The following SLC35F1 variants were observed in gnomAD, a reference collection of about 807,000 sequenced individuals.
SLC35F1 encodes solute carrier family 35 member F1.
Under a neutral mutation model 48.7 loss-of-function variants are expected in SLC35F1, and 14 were observed. The observed-to-expected ratio is 0.29, with a 90% CI of 0.19 to 0.45. The LOEUF is 0.45. Among genes scored for constraint, SLC35F1 ranks in the 20% least tolerant of loss-of-function variants. The pLI, the probability that SLC35F1 is intolerant of heterozygous loss-of-function variation, is 1.00. For synonymous variants in SLC35F1, 190 were observed against 202.2 expected, an observed-to-expected ratio of 0.94 and a Z score of 0.51; for missense variants, 404 against 500.0, an observed-to-expected ratio of 0.81 and a Z score of 1.83.
chr6:118,281,916 CATAA>C (rs1159685942), intron 6 of SLC35F1, among the ~76,000 whole-genome samples: 1 of 152,164 alleles, frequency 6.6e-6, no homozygotes, highest in Non-Finnish European at 1.5e-5. Context: ...AATTACTGTA[CATAA>C]AGTACATGAC....
chr6:118,016,294 C>T (rs1276236031), intron 1 of SLC35F1, among the ~76,000 whole-genome samples: 1 of 152,210 alleles, frequency 6.6e-6, no homozygotes, highest in Non-Finnish European at 1.5e-5. Flanking sequence ...GGTATCACCA[C>T]TCATGCTTCT....
At position 118,127,683 on chromosome 6, in the gene SLC35F1, G is replaced by A. The variant is rs1370124952; in HGVS notation, c.174-26762G>A. 5.3e-5 allele frequency among the ~76,000 whole-genome samples: 8 copies of A among 151,670 alleles called. No homozygotes were observed. In the South Asian group the frequency reaches 6.3e-4, roughly 12 times the overall value. ...TTCAAGATGGATTAAAGACTTAAAC[G>A]TTAGACCTAAAACCATAAAAACCCT... On this transcript the variant is annotated intron_variant, in intron 1 of 7. Coordinates refer to ENST00000360388, the MANE Select transcript of SLC35F1 (RefSeq NM_001029858.4).
chr6:117,907,901 T>G lies in SLC35F1; in HGVS notation c.173+2T>G. On this transcript the variant is annotated splice_donor_variant, in intron 1 of 7. Coordinates refer to ENST00000360388, the MANE Select transcript of SLC35F1 (RefSeq NM_001029858.4). LOFTEE classifies it high-confidence loss of function. ...GAGGATCCGCAAAGTGCTGAACAGG[T>G]GAGCGGCGGCGCCGGGCGAGGGCGC... 7.4e-7 allele frequency: 1 copy of G among 1,346,528 alleles called. No homozygotes were observed. The highest frequency in any genetic ancestry group is 9.5e-7 in the Non-Finnish European group (1 of 1,055,442). The allele number at this position is 1,346,528 out of a possible 1,614,324, so 83.4% of individuals were successfully genotyped here. A position where few individuals can be genotyped will look rare whatever the true frequency, so the allele number is the denominator to read the frequency against.
intron 2 of SLC35F1, among the ~76,000 whole-genome samples, chr6:118,175,837 T>G (rs540988795): frequency 6.6e-6 from 1 of 152,118 alleles, no homozygotes; most frequent in Non-Finnish European, 1.5e-5. Flanking sequence ...TGAGAAAGTA[T>G]CCGTAGTCAT....
At chr6:117,969,322 G>A (rs980435244) in intron 1 of SLC35F1, among the ~76,000 whole-genome samples, 2 of 152,122 alleles carry the variant, frequency 1.3e-5, no homozygotes, top group African/African-American at 4.8e-5. Context: ...TTGATAGGAA[G>A]GTATATAGAG....
At chr6:118,001,554 T>G (rs1474513662) in intron 1 of SLC35F1, among the ~76,000 whole-genome samples, 15 of 152,162 alleles carry the variant, frequency 9.9e-5, no homozygotes, top group Non-Finnish European at 1.9e-4. Context: ...GGACTTCATG[T>G]CTAAAACACC....
At chr6:118,025,287 G>C (rs1777447689) in intron 1 of SLC35F1, among the ~76,000 whole-genome samples, 1 of 152,150 alleles carries the variant, frequency 6.6e-6, no homozygotes, top group Non-Finnish European at 1.5e-5. Flanking sequence ...TTTTGTAGAA[G>C]GTCTCTTGAT....
At chr6:118,197,387 C>A (rs985554591) in intron 2 of SLC35F1, among the ~76,000 whole-genome samples, 2 of 152,152 alleles carry the variant, frequency 1.3e-5, no homozygotes, top group Admixed American at 6.5e-5. Context: ...ACTCAGTGAG[C>A]CTTTATGCTA....
chr6:117,942,250 C>A (rs1478333897), intron 1 of SLC35F1, among the ~76,000 whole-genome samples: 1 of 152,040 alleles, frequency 6.6e-6, no homozygotes, highest in African/African-American at 2.4e-5. Flanking sequence ...GGATTCTGAC[C>A]TAATTCTATT....
intron 2 of SLC35F1, among the ~76,000 whole-genome samples, chr6:118,158,811 T>C (rs563070780): frequency 6.6e-6 from 1 of 152,192 alleles, no homozygotes; most frequent in Admixed American, 6.5e-5. Context: ...TTACAAAAAT[T>C]TGGGTACTAT....
At chr6:117,942,579 CAATA>C (rs1776245793) in intron 1 of SLC35F1, among the ~76,000 whole-genome samples, 1 of 152,100 alleles carries the variant, frequency 6.6e-6, no homozygotes, top group Non-Finnish European at 1.5e-5. Context: ...GCTTTTAAAA[CAATA>C]ATTTAACATA....
intron 1 of SLC35F1, among the ~76,000 whole-genome samples, chr6:118,039,518 G>A (rs1408345124): frequency 2.6e-5 from 4 of 151,692 alleles, no homozygotes; most frequent in Non-Finnish European, 5.9e-5. Flanking sequence ...GGTCTCTGAG[G>A]TTTGTTCATT....
intron 1 of SLC35F1, among the ~76,000 whole-genome samples, chr6:118,102,902 C>A (rs767025133): frequency 1.6e-4 from 25 of 152,284 alleles, no homozygotes; most frequent in Admixed American, 2.6e-4. Flanking sequence ...GAACTGGGAC[C>A]TTTGCATCTG....
At chr6:118,303,793 A>G (rs1776281483) in intron 7 of SLC35F1, among the ~76,000 whole-genome samples, 1 of 152,198 alleles carries the variant, frequency 6.6e-6, no homozygotes, top group African/African-American at 2.4e-5. Flanking sequence ...GCTTAAAAGG[A>G]CACCAATCCT....
chr6:118,095,440 G>A (rs1218989639), intron 1 of SLC35F1, among the ~76,000 whole-genome samples: 4 of 152,088 alleles, frequency 2.6e-5, no homozygotes, highest in Non-Finnish European at 5.9e-5. Context: ...GCAGGTGATT[G>A]TCCATCTCAA....
intron 1 of SLC35F1, among the ~76,000 whole-genome samples, chr6:118,125,388 T>A (rs376850192): frequency 6.9e-6 from 1 of 144,964 alleles, no homozygotes. Flanking sequence ...GGGGGGGGGA[T>A]CAGATACTTA....
Position 117,923,707 on chromosome 6 carries a change from GTA to G in SLC35F1, c.173+15809_173+15810del, listed in dbSNP as rs1454230824. Among the ~76,000 whole-genome samples, 3 of 57,218 alleles carry G rather than the reference GTA, an allele frequency of 5.2e-5. 1 individual carries two copies. Among genetic ancestry groups the G allele is most frequent in the African/African-American group, 2.1e-4 (3 of 14,236 alleles). The allele number at this position is 57,218 out of a possible 152,430, so 37.5% of individuals were successfully genotyped here. A position where few individuals can be genotyped will look rare whatever the true frequency, so the allele number is the denominator to read the frequency against. ...TATACATATGTACATATACATATAT[GTA>G]CATATATACATATATACATATGTAT... On this transcript the variant is annotated intron_variant, in intron 1 of 7. Transcript: ENST00000360388.
At chr6:118,093,818 C>T in intron 1 of SLC35F1, among the ~76,000 whole-genome samples, 1 of 152,118 alleles carries the variant, frequency 6.6e-6, no homozygotes, top group East Asian at 1.9e-4. Flanking sequence ...AGAAGAGTAT[C>T]CAGTAAGGTC....
intron 1 of SLC35F1, among the ~76,000 whole-genome samples, chr6:117,923,794 C>CATATACACATACATATGT (rs1775974417): frequency 7.0e-5 from 7 of 99,340 alleles, no homozygotes; most frequent in African/African-American, 2.3e-4. Context: ...CATATATGTA[C>CATATACACATACATATGT]ATATATACAT....
Sources: gnomAD v4.1 joint callset for allele counts (sites outside exome capture counted in the v4.1 genomes callset) on GRCh38, gnomAD v4.1.1 for gene constraint, MANE v1.5 for transcripts, NCBI Gene and HGNC (gene_info 2026-07-23, HGNC 2026-07-21) for gene names.